The following CEP295 variants were observed in gnomAD, a reference collection of about 807,000 sequenced individuals.
CEP295 encodes the protein centrosomal protein 295.
CEP295 carries 190 observed loss-of-function variants against 291.6 expected under a neutral mutation model. The ratio of observed to expected loss-of-function variants is 0.65; its 90% CI spans 0.58 to 0.73. CEP295 has a LOEUF of 0.73. Ranked by LOEUF, CEP295 falls within the 30% of genes least tolerant of loss-of-function variation. CEP295 has a pLI of 0.00. For missense variants in CEP295, 2,863 were observed against 2,949.4 expected (o/e 0.97, Z 0.68); for synonymous variants, 993 against 1,038.8 (o/e 0.96, Z 0.85).
In CEP295 at chr11:93,694,557, C is replaced by T. The variant is rs1951756054; in HGVS notation, c.1534-940C>T. ...CATTACTACTCTTATGCTGTGGAGC[C>T]ACTGTGAAGTAAAATAAGGGTTATT... On this transcript the variant is annotated intron_variant, in intron 12 of 29. Coordinates refer to ENST00000325212, the MANE Select transcript of CEP295 (RefSeq NM_033395.2). Among the ~76,000 whole-genome samples, 3 of 152,254 alleles carry T rather than the reference C, an allele frequency of 2.0e-5. No homozygotes were observed. In the South Asian group the frequency reaches 6.2e-4, roughly 32 times the overall value.
intron 18 of CEP295, among the ~76,000 whole-genome samples, chr11:93,718,367 T>A (rs888134275): frequency 6.6e-6 from 1 of 152,250 alleles, no homozygotes; most frequent in Non-Finnish European, 1.5e-5. Flanking sequence ...CCTTCCTGCA[T>A]GGCATGAAAA....
chr11:93,699,957 CA>C lies in CEP295; in HGVS notation c.5047del (p.Ser1683ValfsTer4). The C allele has an allele frequency of 6.4e-7, 1 of 1,551,720 alleles. No homozygotes were observed. Among genetic ancestry groups the C allele is most frequent in the Non-Finnish European group, 8.7e-7 (1 of 1,147,004 alleles). On this transcript the variant is annotated frameshift_variant, in exon 15 of 30. Coordinates refer to ENST00000325212, the MANE Select transcript of CEP295 (RefSeq NM_033395.2). LOFTEE classifies it high-confidence loss of function. ...YSSQNEHAAP[P>X]SNPVIPGFQD... Reference sequence around the variant, plus strand: ...TCCCAGAATGAACATGCAGCCCCCCCAAGTAATCCTGTGATCCCAGGGTTTC... The same window carrying C: ...TCCCAGAATGAACATGCAGCCCCCCCAGTAATCCTGTGATCCCAGGGTTTC...
At position 93,699,830 on chromosome 11, in the gene CEP295, C is replaced by G; in HGVS notation, c.4918C>G (p.His1640Asp). 6.4e-7 allele frequency: 1 copy of G among 1,552,266 alleles called. No individual in the cohort carries two copies. The highest frequency in any genetic ancestry group is 8.7e-7 in the Non-Finnish European group (1 of 1,147,114). The part of the protein sequence containing the change: ...RKLNKSESAE[H>D]TIPSLFLPKE... ...GTTGAACAAAAGTGAATCTGCTGAG[C>G]ATACTATCCCCTCTTTGTTTCTACC... is the stretch of plus-strand genomic sequence containing the variant. The change falls in exon 15 of 30, where the codon CAT (histidine) becomes GAT (aspartate). Residue 1640 changes from histidine to aspartate, a missense_variant. Transcript: ENST00000325212.
intron 9 of CEP295, among the ~76,000 whole-genome samples, chr11:93,686,556 A>G (rs995976464): frequency 2.0e-5 from 3 of 152,172 alleles, no homozygotes; most frequent in African/African-American, 4.8e-5. Flanking sequence ...AATATTGGCA[A>G]TGAATTTACT....
rs1938125002 is a variant in CEP295, at chr11:93,729,732, T to C, written c.7518T>C (p.His2506=). Residue 2506 remains histidine, a synonymous_variant, in exon 27 of 30, where the codon CAT becomes CAC. Transcript: ENST00000325212. ...AGAAAGAAATAAGGAATAAAATTCA[T>C]GTCTCTGAAAATTCTCAAATCAAAA... ...QRQKEIRNKI[H]VSENSQIKTV... 4 of 1,549,844 alleles carry C rather than the reference T, an allele frequency of 2.6e-6. No individual in the cohort carries two copies. Among genetic ancestry groups the C allele is most frequent in the South Asian group, 1.2e-5 (1 of 83,866 alleles).
At chr11:93,683,156 A>G (rs1951055817) in intron 7 of CEP295, among the ~76,000 whole-genome samples, 1 of 152,230 alleles carries the variant, frequency 6.6e-6, no homozygotes, top group South Asian at 2.1e-4. Flanking sequence ...AGATAGGTAT[A>G]TGGAGAACTG....
chr11:93,700,114 G>C lies in CEP295; in HGVS notation c.5202G>C (p.Gln1734His). The C allele has an allele frequency of 6.4e-7, 1 of 1,551,646 alleles. No homozygotes were observed. Among genetic ancestry groups the C allele is most frequent in the South Asian group, 1.2e-5 (1 of 84,052 alleles). The change falls in exon 15 of 30, where the codon CAG becomes CAC. Residue 1734 changes from glutamine (Q) to histidine (H), a missense_variant. By Grantham distance (24) the Gln-to-His change is conservative. Coordinates refer to ENST00000325212, the MANE Select transcript of CEP295 (RefSeq NM_033395.2). ...SQKAQEKLLV[Q>H]RQTALQQQIQ... ...AAGCCCAGGAAAAATTGCTTGTACA[G>C]AGACAAACAGCATTGCAGCAGCAGA...
Position 93,697,407 on chromosome 11 carries a change from G to A in CEP295, c.2495G>A (p.Arg832Lys). 6.4e-7 allele frequency: 1 copy of A among 1,552,142 alleles called. No individual in the cohort carries two copies. The highest frequency in any genetic ancestry group is 8.7e-7 in the Non-Finnish European group (1 of 1,147,084). ...SHSIISQMHDRPLLPSENITA... is the reference protein window; with the variant it reads ...SHSIISQMHDKPLLPSENITA... Reference sequence around the variant, plus strand: ...TCTATAATCAGCCAAATGCATGATAGGCCTTTGCTGCCGTCAGAGAATATC... The same window carrying A: ...TCTATAATCAGCCAAATGCATGATAAGCCTTTGCTGCCGTCAGAGAATATC... Residue 832 changes from arginine to lysine, a missense_variant, in exon 15 of 30, where the codon AGG becomes AAG. Physicochemically the swap from Arg to Lys is conservative, Grantham distance 26. Transcript: ENST00000325212.
At chr11:93,695,683 G>A (rs760863699) in intron 13 of CEP295, 49 bp downstream of exon 13, 14 of 1,468,276 alleles carry the variant, frequency 9.5e-6, no homozygotes, top group South Asian at 1.4e-5. Flanking sequence ...GGTAAGGGGG[G>A]CAAGAAAATA....
At chr11:93,726,776 G>GA in intron 23 of CEP295, 200 bp from the exon 24 acceptor site, 4 of 438,266 alleles carry the variant, frequency 9.1e-6, no homozygotes, top group East Asian at 3.6e-5. Flanking sequence ...AATAGAAAAA[G>GA]AAAAAATACT....
At position 93,699,839 on chromosome 11, in the gene CEP295, C is replaced by T. The variant is rs1349643912; in HGVS notation, c.4927C>T (p.Pro1643Ser). The T allele has an allele frequency of 8.4e-6, 13 of 1,552,094 alleles. No homozygotes were observed. The highest frequency in any genetic ancestry group is 8.7e-6 in the Non-Finnish European group (10 of 1,147,110). ...AAGTGAATCTGCTGAGCATACTATC[C>T]CCTCTTTGTTTCTACCCAAGGAAAC... The part of the protein sequence containing the change: ...NKSESAEHTI[P>S]SLFLPKETEH... Residue 1643 changes from proline (P) to serine (S), a missense_variant, in exon 15 of 30, where the codon CCC (proline) becomes TCC (serine). By Grantham distance (74) the Pro-to-Ser change is moderately conservative. Around this residue, in one of 3 missense-constraint regions of CEP295, gnomAD observed 2,295 missense variants for 2,335.7 expected, o/e 0.98. Coordinates refer to ENST00000325212, the MANE Select transcript of CEP295 (RefSeq NM_033395.2).
chr11:93,690,361 C>T (rs1006628350), intron 10 of CEP295, among the ~76,000 whole-genome samples: 18 of 152,106 alleles, frequency 1.2e-4, no homozygotes, highest in African/African-American at 4.3e-4. Context: ...TTGAGACCAT[C>T]CTGGCTAACA....
intron 1 of CEP295, among the ~76,000 whole-genome samples, chr11:93,665,557 A>C (rs1590952424): frequency 2.0e-5 from 3 of 152,230 alleles, no homozygotes; most frequent in Middle Eastern, 6.8e-3. Flanking sequence ...AAAATGCAAA[A>C]ATTAGCTGGG....
At chr11:93,718,358 CTT>C (rs1254251085) in intron 18 of CEP295, among the ~76,000 whole-genome samples, 1 of 152,220 alleles carries the variant, frequency 6.6e-6, no homozygotes, top group Non-Finnish European at 1.5e-5. Flanking sequence ...GAAATGGTGC[CTT>C]CCTGCATGGC....
At chr11:93,706,514 G>GACGA (rs1363629508) in intron 17 of CEP295, among the ~76,000 whole-genome samples, 1 of 152,108 alleles carries the variant, frequency 6.6e-6, no homozygotes, top group Admixed American at 6.6e-5. Flanking sequence ...TTTTCTTTGT[G>GACGA]ATTAGTCAAT....
At chr11:93,708,530 C>CT (rs943109955) in intron 18 of CEP295, among the ~76,000 whole-genome samples, 3 of 151,594 alleles carry the variant, frequency 2.0e-5, no homozygotes, top group African/African-American at 4.8e-5. Flanking sequence ...ATACGTGCCA[C>CT]TTTTTTTTTA....
In CEP295 at chr11:93,730,101, CAAG is replaced by C; in HGVS notation, c.7724_7726del (p.Glu2575del). The stretch of plus-strand genomic sequence containing the variant: ...ACAACAAAAGGAAGAAAAAACAAAA[CAAG>C]AAGCTTATGCCCAAAACAGAGCAAG... On this transcript the variant is annotated inframe_deletion, in exon 29 of 30. Coordinates refer to ENST00000325212, the MANE Select transcript of CEP295 (RefSeq NM_033395.2). 2 of 1,549,678 alleles carry C rather than the reference CAAG, an allele frequency of 1.3e-6. No homozygotes were observed. Among genetic ancestry groups the C allele is most frequent in the Non-Finnish European group, 1.7e-6 (2 of 1,146,506 alleles).
intron 5 of CEP295, among the ~76,000 whole-genome samples, chr11:93,673,000 C>T (rs1174444197): frequency 1.3e-5 from 2 of 152,166 alleles, no homozygotes; most frequent in African/African-American, 2.4e-5. Context: ...GACTTGTTTT[C>T]TTCAGAGTTC....
chr11:93,695,357 A>C, intron 12 of CEP295, 140 bp from the exon 13 acceptor site: 1 of 496,320 alleles, frequency 2.0e-6, no homozygotes, highest in Admixed American at 4.4e-5. Context: ...TGATAACAAC[A>C]GAGATAAAGC....
Sources: allele counts gnomAD v4.1 joint callset (sites outside exome capture counted in the v4.1 genomes callset), GRCh38; gene constraint gnomAD v4.1.1; regional missense constraint gnomAD v4.1.1; transcripts MANE v1.5; gene names NCBI Gene and HGNC (gene_info 2026-07-23, HGNC 2026-07-21).